SLC22A24: variants seen among roughly 807,000 people sequenced by gnomAD.
The protein encoded by SLC22A24 is steroid transmembrane transporter SLC22A24.
In SLC22A24, 53 loss-of-function variants were observed where a neutral mutation model predicts 49.8. The observed-to-expected ratio is 1.06, with a 90% CI of 0.85 to 1.34. The LOEUF (loss-of-function observed/expected upper bound fraction) is 1.34, where lower values mean the gene tolerates loss of function less well. SLC22A24 is among the 40% of genes most tolerant of loss of function. The pLI is 0.00. For synonymous variants in SLC22A24, 302 were observed against 256.4 expected, an observed-to-expected ratio of 1.18 and a Z score of -1.70; for missense variants, 786 against 675.9, an observed-to-expected ratio of 1.16 and a Z score of -1.81.
In SLC22A24 at chr11:63,080,943, G is replaced by A; in HGVS notation, c.1575C>T (p.Asn525=). The change falls in exon 9 of 10, where the codon AAC becomes AAT. Residue 525 remains asparagine, a synonymous_variant. Coordinates refer to ENST00000612278, the MANE Select transcript of SLC22A24 (RefSeq NM_001136506.2). The part of the protein sequence containing the change: ...LPETRDLPLP[N]TIQDVENDRK... ...ACTCATTTTCCACATCCTGGATGGT[G>A]TTAGGAAGAGGTAGATCCCTGGTTT... 6.4e-7 allele frequency: 1 copy of A among 1,552,164 alleles called. No homozygotes were observed. The highest frequency in any genetic ancestry group is 8.7e-7 in the Non-Finnish European group (1 of 1,147,334).
At chr11:63,102,339 A>G (rs1340037620) in intron 5 of SLC22A24, among the ~76,000 whole-genome samples, 1 of 152,104 alleles carries the variant, frequency 6.6e-6, no homozygotes, top group African/African-American at 2.4e-5. Flanking sequence ...GAGTCAGTGT[A>G]TTATTCAGAA....
intron 6 of SLC22A24, among the ~76,000 whole-genome samples, chr11:63,090,427 A>T (rs2087013073): frequency 6.6e-6 from 1 of 152,136 alleles, no homozygotes; most frequent in African/African-American, 2.4e-5. Flanking sequence ...GCCACACAGC[A>T]TGTATTCTAA....
At chr11:63,083,189 T>TC in intron 7 of SLC22A24, 54 bp downstream of exon 7, 1 of 1,414,616 alleles carries the variant, frequency 7.1e-7, no homozygotes, top group Non-Finnish European at 9.8e-7. Flanking sequence ...ACCAATGTAA[T>TC]CCCTGGAGAA....
At chr11:63,139,367 G>T (rs778782062) in intron 1 of SLC22A24, among the ~76,000 whole-genome samples, 4 of 152,242 alleles carry the variant, frequency 2.6e-5, no homozygotes, top group East Asian at 1.9e-4. Flanking sequence ...GTTCTGTTTC[G>T]CATTGTGTCA....
chr11:63,098,120 C>T (rs914858266), intron 5 of SLC22A24, among the ~76,000 whole-genome samples: 2 of 152,024 alleles, frequency 1.3e-5, no homozygotes, highest in African/African-American at 4.8e-5. Flanking sequence ...TAATATCAAG[C>T]ATCATCTCTT....
chr11:63,101,118 C>A (rs557491696), intron 5 of SLC22A24, among the ~76,000 whole-genome samples: 13 of 152,116 alleles, frequency 8.5e-5, no homozygotes, highest in African/African-American at 3.1e-4. Flanking sequence ...AGACAGCCTG[C>A]AGAATGGGAG....
intron 6 of SLC22A24, among the ~76,000 whole-genome samples, chr11:63,091,806 A>G (rs573009580): frequency 1.6e-4 from 24 of 151,594 alleles, no homozygotes; most frequent in African/African-American, 4.6e-4. Flanking sequence ...ATATCATTCT[A>G]AATGGCAAAA....
chr11:63,138,767 C>T (rs1183338383), intron 1 of SLC22A24, among the ~76,000 whole-genome samples: 1 of 151,658 alleles, frequency 6.6e-6, no homozygotes, highest in Non-Finnish European at 1.5e-5. Flanking sequence ...ATAATGGTGG[C>T]CTGGGTTCAA....
intron 2 of SLC22A24, among the ~76,000 whole-genome samples, chr11:63,128,739 AC>A (rs2087312022): frequency 6.6e-6 from 1 of 152,138 alleles, no homozygotes; most frequent in South Asian, 2.1e-4. Context: ...GACCCATGTG[AC>A]CTTACCTATC....
chr11:63,099,788 T>C (rs1229157970), intron 5 of SLC22A24, among the ~76,000 whole-genome samples: 1 of 152,086 alleles, frequency 6.6e-6, no homozygotes, highest in African/African-American at 2.4e-5. Context: ...ATTCAACCAA[T>C]GTGATACATC....
chr11:63,096,788 T>C (rs1452531904), intron 5 of SLC22A24, among the ~76,000 whole-genome samples: 1 of 152,118 alleles, frequency 6.6e-6, no homozygotes, highest in East Asian at 1.9e-4. Flanking sequence ...AAGTGAAATA[T>C]AGTTGTTGGA....
chr11:63,138,265 C>G (rs1186157704), intron 1 of SLC22A24, among the ~76,000 whole-genome samples: 1 of 152,136 alleles, frequency 6.6e-6, no homozygotes, highest in Non-Finnish European at 1.5e-5. Context: ...TTTGTTTCCA[C>G]CATCCAGAGG....
chr11:63,087,799 G>A (rs1441788130), intron 6 of SLC22A24, among the ~76,000 whole-genome samples: 1 of 152,160 alleles, frequency 6.6e-6, no homozygotes, highest in Non-Finnish European at 1.5e-5. Context: ...ACAGTGCTAA[G>A]GAGGATGGGA....
intron 5 of SLC22A24, among the ~76,000 whole-genome samples, chr11:63,102,203 C>A (rs981331460): frequency 4.6e-5 from 7 of 151,816 alleles, no homozygotes; most frequent in African/African-American, 1.7e-4. Flanking sequence ...ATTTCACATA[C>A]CCCATAAATA....
At chr11:63,117,365 G>A (rs2155318) in intron 4 of SLC22A24, among the ~76,000 whole-genome samples, 150,506 of 152,292 alleles carry the variant, frequency 0.99, 74,394 homozygotes, top group East Asian at 1. Context: ...TATTAAGTTA[G>A]TTGTCTGCAA....
At chr11:63,087,024 G>GCGTGCGCA (rs376936925) in intron 6 of SLC22A24, among the ~76,000 whole-genome samples, 1 of 132,556 alleles carries the variant, frequency 7.5e-6, no homozygotes, top group Non-Finnish European at 1.5e-5. Context: ...CCTGGAGGGC[G>GCGTGCGCA]CACACACACA....
chr11:63,125,197 G>A (rs910788495), intron 2 of SLC22A24, among the ~76,000 whole-genome samples: 1 of 152,060 alleles, frequency 6.6e-6, no homozygotes, highest in Non-Finnish European at 1.5e-5. Context: ...TGAGGTACCT[G>A]TGCAGAATGT....
intron 5 of SLC22A24, 96 bp downstream of exon 5, chr11:63,104,078 AG>A: frequency 7.8e-7 from 1 of 1,276,866 alleles, no homozygotes; most frequent in Non-Finnish European, 1.1e-6. Context: ...CTCCACTCAC[AG>A]AAGTCTAATT....
chr11:63,108,841 T>G (rs1406716289), intron 4 of SLC22A24, among the ~76,000 whole-genome samples: 1 of 151,066 alleles, frequency 6.6e-6, no homozygotes, highest in East Asian at 1.9e-4. Flanking sequence ...GTCTTTACAT[T>G]TCTTTTTTTT....
Sources: allele counts gnomAD v4.1 joint callset (sites outside exome capture counted in the v4.1 genomes callset), GRCh38; gene constraint gnomAD v4.1.1; transcripts MANE v1.5; gene names NCBI Gene and HGNC (gene_info 2026-07-23, HGNC 2026-07-21).